Variants in SATL1 observed in about 807,000 individuals in gnomAD.
SATL1 encodes the protein spermidine/spermine N1-acetyl transferase like 1.
A neutral mutation model predicts 51.8 loss-of-function variants in SATL1; 47 were observed. The ratio of observed to expected loss-of-function variants is 0.91; its 90% CI spans 0.72 to 1.16. SATL1 has a LOEUF of 1.16. SATL1 is among the 50% of genes most tolerant of loss of function. The pLI, the probability that SATL1 is intolerant of heterozygous loss-of-function variation, is 0.00. For synonymous variants in SATL1, 176 were observed against 182.4 expected (o/e 0.97, Z 0.28); for missense variants, 520 against 526.4 (o/e 0.99, Z 0.12).
At chrX:85,139,828 C>T (rs752886008) in intron 2 of SATL1, among the ~76,000 whole-genome samples, 1 of 111,654 alleles carries the variant, frequency 9.0e-6, no homozygotes, top group South Asian at 3.8e-4. Context: ...TCTATGAACA[C>T]CCCAACCTGC....
intron 2 of SATL1, among the ~76,000 whole-genome samples, chrX:85,157,188 T>A (rs1248535890): frequency 3.6e-5 from 4 of 110,188 alleles, no homozygotes; most frequent in African/African-American, 1.3e-4. Context: ...TGGCTCTGTC[T>A]TAATAACATC....
At chrX:85,169,705 T>C (rs1400430926) in intron 2 of SATL1, among the ~76,000 whole-genome samples, 3 of 111,615 alleles carry the variant, frequency 2.7e-5, no homozygotes, top group African/African-American at 9.7e-5. Flanking sequence ...TTGTGGAAAG[T>C]AGTGTTGTGA....
At chrX:85,178,774 C>T (rs1927138738) in intron 2 of SATL1, among the ~76,000 whole-genome samples, 2 of 111,302 alleles carry the variant, frequency 1.8e-5, no homozygotes, top group South Asian at 7.4e-4. Context: ...TGTTAATCTA[C>T]CACCTCACTC....
chrX:85,169,523 G>C (rs1375628499), intron 2 of SATL1, among the ~76,000 whole-genome samples: 1 of 111,421 alleles, frequency 9.0e-6, no homozygotes, highest in Non-Finnish European at 1.9e-5. Flanking sequence ...ATGCAAAAAA[G>C]CTCAACATCA....
chrX:85,113,920 T>TTCTC (rs1351010319), intron 2 of SATL1, among the ~76,000 whole-genome samples: 2 of 111,425 alleles, frequency 1.8e-5, no homozygotes, highest in Non-Finnish European at 3.8e-5. Context: ...GAAAGTGACA[T>TTCTC]TCTTTACTTA....
intron 2 of SATL1, among the ~76,000 whole-genome samples, chrX:85,217,973 T>TA (rs1928085395): frequency 9.0e-6 from 1 of 111,507 alleles, no homozygotes; most frequent in African/African-American, 3.3e-5. Context: ...TCAGTAAATA[T>TA]AAAAAATTCT....
At chrX:85,164,080 G>T (rs1926781136) in intron 2 of SATL1, among the ~76,000 whole-genome samples, 1 of 111,539 alleles carries the variant, frequency 9.0e-6, no homozygotes, top group Non-Finnish European at 1.9e-5. Context: ...AATCCTGTTT[G>T]CTTTTGGTGT....
At chrX:85,196,504 A>G (rs1397532524) in intron 2 of SATL1, among the ~76,000 whole-genome samples, 1 of 111,477 alleles carries the variant, frequency 9.0e-6, no homozygotes, top group Non-Finnish European at 1.9e-5. Flanking sequence ...AGAACAGCCA[A>G]AACAATCTTG....
At chrX:85,183,073 T>C (rs1006868604) in intron 2 of SATL1, among the ~76,000 whole-genome samples, 2 of 111,762 alleles carry the variant, frequency 1.8e-5, no homozygotes, top group Non-Finnish European at 3.8e-5. Context: ...GTGCAGAAGG[T>C]TTTCAGTTTG....
intron 2 of SATL1, among the ~76,000 whole-genome samples, chrX:85,148,361 G>T (rs1393111030): frequency 9.1e-6 from 1 of 109,668 alleles, no homozygotes; most frequent in African/African-American, 3.3e-5. Flanking sequence ...AAAGTGACGG[G>T]GAGAATGGAA....
At chrX:85,113,982 G>A (rs1470349452) in intron 2 of SATL1, among the ~76,000 whole-genome samples, 2 of 111,685 alleles carry the variant, frequency 1.8e-5, no homozygotes, top group Non-Finnish European at 3.8e-5. Context: ...TATGAGGCCG[G>A]TTTTCACAAG....
At chrX:85,217,531 G>A (rs752036621) in intron 2 of SATL1, among the ~76,000 whole-genome samples, 22 of 111,552 alleles carry the variant, frequency 2.0e-4, no homozygotes, top group African/African-American at 7.2e-4. Flanking sequence ...AGGAAAAGCC[G>A]TGGAAAAGGT....
At position 85,107,300 on chromosome X, in the gene SATL1, AG is replaced by A. The variant is rs756579431; in HGVS notation, c.1641+27del. ...CTTTCAGCCCTACACCAATGCCATG[AG>A]GCTCCATGTAATAAAAATAGGCTTA... On this transcript the variant is annotated intron_variant, in intron 3 of 7. Transcript: ENST00000644105. The A allele has an allele frequency of 7.8e-6, 9 of 1,158,852 alleles. No homozygotes were observed. In the East Asian group the frequency reaches 2.7e-4, roughly 34 times the overall value.
At chrX:85,159,740 C>T (rs1182697422) in intron 2 of SATL1, among the ~76,000 whole-genome samples, 1 of 111,006 alleles carries the variant, frequency 9.0e-6, no homozygotes, top group Non-Finnish European at 1.9e-5. Context: ...CTGGAGGGTC[C>T]CCCTGACCAA....
rs192017837 is a variant in SATL1, at chrX:85,131,020, T to G, written c.-312-21740A>C. The stretch of plus-strand genomic sequence containing the variant: ...CACTGTGGTCTGAGAGACAGTTTGT[T>G]GTGATTCCTTTTCTTTTACATTTGC... On this transcript the variant is annotated intron_variant, in intron 2 of 7. Coordinates refer to ENST00000644105, the MANE Select transcript of SATL1 (RefSeq NM_001367857.2). 3.7e-3 allele frequency among the ~76,000 whole-genome samples: 416 copies of G among 112,192 alleles called. 1 individual carries two copies. The highest frequency in any genetic ancestry group is 0.013 in the African/African-American group (392 of 30,892).
intron 1 of SATL1, among the ~76,000 whole-genome samples, chrX:85,227,381 G>C (rs949710785): frequency 1.3e-4 from 15 of 112,006 alleles, no homozygotes; most frequent in Non-Finnish European, 2.8e-4. Context: ...GAGAGGAAAT[G>C]CTTCTCTTTT....
At chrX:85,207,620 C>A (rs1321198164) in intron 2 of SATL1, 3 of 111,902 alleles carry the variant, frequency 2.7e-5, no homozygotes, top group African/African-American at 9.7e-5. Context: ...GCAAGCTGAA[C>A]CATGGCTTAA....
rs745674915 is a variant in SATL1, at chrX:85,162,173, A to G, written c.-312-52893T>C. Reference sequence around the variant, plus strand: ...GAGATACAGCTAAGGCAAAGTTAAGAAAGAAATTATAGCAGTAAATGCCCA... The same window carrying G: ...GAGATACAGCTAAGGCAAAGTTAAGGAAGAAATTATAGCAGTAAATGCCCA... On this transcript the variant is annotated intron_variant, in intron 2 of 7. Transcript: ENST00000644105. 1.2e-3 allele frequency among the ~76,000 whole-genome samples: 136 copies of G among 112,019 alleles called. 3 individuals are homozygous for G. Among genetic ancestry groups the G allele is most frequent in the Non-Finnish European group, 3.8e-4 (20 of 53,204 alleles).
intron 2 of SATL1, among the ~76,000 whole-genome samples, chrX:85,135,859 C>A (rs372291106): frequency 9.1e-6 from 1 of 110,078 alleles, no homozygotes; most frequent in Non-Finnish European, 1.9e-5. Flanking sequence ...GGATTATAGG[C>A]ATGAGCTACT....
Sources: allele counts gnomAD v4.1 joint callset (sites outside exome capture counted in the v4.1 genomes callset), GRCh38; gene constraint gnomAD v4.1.1; transcripts MANE v1.5; gene names NCBI Gene and HGNC (gene_info 2026-07-23, HGNC 2026-07-21).